Variants in CTNNA1 observed in about 807,000 individuals in gnomAD.
The protein encoded by CTNNA1 is catenin alpha-1.
Under a neutral mutation model 98.4 loss-of-function variants are expected in CTNNA1, and 37 were observed. That is an observed-to-expected ratio of 0.38 (90% CI 0.29 to 0.49). CTNNA1 has a LOEUF of 0.49. Ranked by LOEUF, CTNNA1 falls within the 20% of genes least tolerant of loss-of-function variation. The probability of loss-of-function intolerance (pLI) is 0.95; values close to 1 mark genes in which losing one functional copy is unlikely to be tolerated. For missense variants in CTNNA1, 761 were observed against 1,147.2 expected (o/e 0.66, Z 4.86); for synonymous variants, 404 against 413.2 (o/e 0.98, Z 0.27).
chr5:138,781,545 ACT>A (rs1433285525), intron 1 of CTNNA1, among the ~76,000 whole-genome samples: 3 of 124,838 alleles, frequency 2.4e-5, no homozygotes, highest in Non-Finnish European at 4.9e-5. Context: ...AAAGAGCAAG[ACT>A]CTGTCTCAAA....
intron 10 of CTNNA1, 89 bp downstream of exon 10, chr5:138,904,530 G>GT (rs1363525977): frequency 6.6e-7 from 1 of 1,510,546 alleles, no homozygotes; most frequent in Non-Finnish European, 8.9e-7. Context: ...GTTTTGTTTT[G>GT]TTTTTAGGAT....
chr5:138,759,980 C>CTTTTTTTTTT (rs70982734), intron 1 of CTNNA1, among the ~76,000 whole-genome samples: 2 of 61,232 alleles, frequency 3.3e-5, no homozygotes, highest in African/African-American at 7.8e-5. Flanking sequence ...AATTTCTTTC[C>CTTTTTTTTTT]TTTTTTTTTT....
At chr5:138,763,664 A>G (rs1350537422) in intron 1 of CTNNA1, among the ~76,000 whole-genome samples, 1 of 152,218 alleles carries the variant, frequency 6.6e-6, no homozygotes, top group African/African-American at 2.4e-5. Context: ...TCCAAATTCT[A>G]AATCATGGTT....
chr5:138,811,590 A>G (rs575000767), intron 4 of CTNNA1, among the ~76,000 whole-genome samples: 6 of 152,116 alleles, frequency 3.9e-5, no homozygotes, highest in African/African-American at 7.2e-5. Context: ...AGGTTGTAGC[A>G]AGCCGAGATC....
chr5:138,917,870 T>C lies in CTNNA1; in HGVS notation c.1518T>C (p.Thr506=), dbSNP rs763281185. The C allele has an allele frequency of 1.2e-6, 2 of 1,614,112 alleles. No individual in the cohort carries two copies. Among genetic ancestry groups the C allele is most frequent in the East Asian group, 4.5e-5 (2 of 44,894 alleles). ...RVLTDAVDDI[T]SIDDFLAVSE... is the part of the protein sequence containing the mutation. The stretch of plus-strand genomic sequence containing the variant: ...TCACAGATGCTGTCGATGACATTAC[T>C]TCCATTGATGACTTCTTGGCTGTCT... The change falls in exon 11 of 18, where the codon ACT becomes ACC. Residue 506 remains threonine (T), a synonymous_variant. Coordinates refer to ENST00000302763, the MANE Select transcript of CTNNA1 (RefSeq NM_001903.5).
At chr5:138,779,339 G>C (rs763115562) in intron 1 of CTNNA1, among the ~76,000 whole-genome samples, 5 of 152,064 alleles carry the variant, frequency 3.3e-5, no homozygotes, top group Non-Finnish European at 5.9e-5. Flanking sequence ...ATGGTCTTAA[G>C]GATATTTATT....
intron 7 of CTNNA1, chr5:138,869,372 C>A (rs1024357000): frequency 7.0e-6 from 1 of 141,928 alleles, no homozygotes; most frequent in Non-Finnish European, 1.6e-5. Context: ...CTGTCTCTCT[C>A]TCTTTTTTTT....
At chr5:138,856,655 A>G (rs1763756603) in intron 7 of CTNNA1, among the ~76,000 whole-genome samples, 2 of 152,180 alleles carry the variant, frequency 1.3e-5, no homozygotes, top group Non-Finnish European at 2.9e-5. Context: ...ATTTCTGTTT[A>G]ATATTTGCAC....
chr5:138,820,406 G>A (rs1414845723), intron 5 of CTNNA1, among the ~76,000 whole-genome samples: 2 of 152,118 alleles, frequency 1.3e-5, no homozygotes, highest in Non-Finnish European at 2.9e-5. Context: ...CTTCTTGGAG[G>A]GAGCACAGCA....
intron 16 of CTNNA1, 55 bp from the exon 17 acceptor site, chr5:138,932,523 C>CG (rs766439454): frequency 4.4e-5 from 71 of 1,599,968 alleles, no homozygotes; most frequent in Non-Finnish European, 5.9e-5. Flanking sequence ...GCCGTGGGGT[C>CG]GGGGGTGCTT....
At chr5:138,907,449 G>A (rs1041825886) in intron 10 of CTNNA1, among the ~76,000 whole-genome samples, 2 of 152,196 alleles carry the variant, frequency 1.3e-5, no homozygotes, top group Admixed American at 6.5e-5. Flanking sequence ...TCTGTGTGCT[G>A]CCTCTGGCCT....
intron 5 of CTNNA1, among the ~76,000 whole-genome samples, chr5:138,822,707 C>T (rs571679413): frequency 6.6e-6 from 1 of 152,228 alleles, no homozygotes; most frequent in Admixed American, 6.5e-5. Flanking sequence ...AATATTTAGC[C>T]TAATGTACTG....
At chr5:138,761,977 A>G (rs1752429022) in intron 1 of CTNNA1, 1 of 152,216 alleles carries the variant, frequency 6.6e-6, no homozygotes, top group Admixed American at 6.5e-5. Flanking sequence ...GCTGGTCTCA[A>G]ACTCCTGAGC....
chr5:138,797,920 G>A (rs1159648360), intron 3 of CTNNA1, among the ~76,000 whole-genome samples: 3 of 151,842 alleles, frequency 2.0e-5, no homozygotes, highest in Non-Finnish European at 2.9e-5. Context: ...TTGGAAAAAC[G>A]TAAGGCACAG....
intron 7 of CTNNA1, among the ~76,000 whole-genome samples, chr5:138,850,064 T>C (rs944857060): frequency 1.3e-5 from 2 of 152,346 alleles, no homozygotes; most frequent in East Asian, 3.9e-4. Context: ...TTATACTTGA[T>C]TGTGAAATAG....
chr5:138,877,389 GC>G (rs1246340748), intron 7 of CTNNA1, among the ~76,000 whole-genome samples: 3 of 151,666 alleles, frequency 2.0e-5, no homozygotes, highest in East Asian at 1.9e-4. Flanking sequence ...ACAGGAACTT[GC>G]CCCCAAAAGT....
intron 9 of CTNNA1, among the ~76,000 whole-genome samples, chr5:138,892,434 G>A (rs1299216965): frequency 3.0e-5 from 4 of 134,940 alleles, no homozygotes; most frequent in African/African-American, 1.1e-4. Context: ...CTGCCTCCCA[G>A]TTTCAAGCGA....
At chr5:138,762,536 C>T (rs1235861925) in intron 1 of CTNNA1, among the ~76,000 whole-genome samples, 1 of 151,812 alleles carries the variant, frequency 6.6e-6, no homozygotes, top group Non-Finnish European at 1.5e-5. Context: ...GGAAGTATGC[C>T]ACAACTCCAT....
chr5:138,929,677 C>T (rs1297972167), intron 14 of CTNNA1, among the ~76,000 whole-genome samples: 1 of 152,190 alleles, frequency 6.6e-6, no homozygotes, highest in African/African-American at 2.4e-5. Flanking sequence ...AGATTGCTGC[C>T]TTTGTCCATC....
Sources: gnomAD v4.1 joint callset for allele counts (sites outside exome capture counted in the v4.1 genomes callset) on GRCh38, gnomAD v4.1.1 for gene constraint, MANE v1.5 for transcripts, NCBI Gene and HGNC (gene_info 2026-07-23, HGNC 2026-07-21) for gene names.